The following LIX1 variants were observed in gnomAD, a reference collection of about 807,000 sequenced individuals.
LIX1 encodes the protein protein limb expression 1 homolog.
In LIX1, 24 loss-of-function variants were observed where a neutral mutation model predicts 33.4. The ratio of observed to expected loss-of-function variants is 0.72; its 90% CI spans 0.52 to 1.01. LIX1 has a LOEUF of 1.01. Among genes scored for constraint, LIX1 ranks in the 50% least tolerant of loss-of-function variants. LIX1 has a pLI of 0.00. For missense variants in LIX1, 311 were observed against 339.2 expected, an observed-to-expected ratio of 0.92 and a Z score of 0.65; for synonymous variants, 124 against 124.0, an observed-to-expected ratio of 1.00 and a Z score of 0.00.
chr5:97,103,746 A>G (rs1343560383), intron 4 of LIX1, among the ~76,000 whole-genome samples: 1 of 152,218 alleles, frequency 6.6e-6, no homozygotes, highest in East Asian at 1.9e-4. Flanking sequence ...CGGGCAGATC[A>G]CGAGGTCAGG....
intron 2 of LIX1, among the ~76,000 whole-genome samples, chr5:97,113,300 C>G (rs58679656): frequency 0.011 from 1,681 of 152,318 alleles, 25 homozygotes; most frequent in African/African-American, 0.038. Context: ...AACCACTCAG[C>G]TAAGCTACTT....
intron 1 of LIX1, 103 bp from the exon 2 acceptor site, chr5:97,124,732 G>T: frequency 1.1e-6 from 1 of 922,094 alleles, no homozygotes; most frequent in Non-Finnish European, 1.6e-6. Context: ...GACAGTTCCA[G>T]TTTAAGTAGA....
chr5:97,109,634 T>A (rs1023269449), intron 2 of LIX1, among the ~76,000 whole-genome samples: 1 of 150,262 alleles, frequency 6.7e-6, no homozygotes, highest in Non-Finnish European at 1.5e-5. Context: ...GTGGATAAGT[T>A]CTTTTGCGGT....
intron 4 of LIX1, among the ~76,000 whole-genome samples, chr5:97,103,685 G>T (rs1433025269): frequency 6.6e-6 from 1 of 152,208 alleles, no homozygotes; most frequent in Non-Finnish European, 1.5e-5. Flanking sequence ...GATGACTAAG[G>T]CCGGGCACGG....
At chr5:97,110,403 T>A (rs992456691) in intron 2 of LIX1, among the ~76,000 whole-genome samples, 1 of 152,242 alleles carries the variant, frequency 6.6e-6, no homozygotes, top group African/African-American at 2.4e-5. Context: ...GAAGATATTA[T>A]AACTTACAAT....
At chr5:97,128,286 G>A (rs955848217) in intron 1 of LIX1, among the ~76,000 whole-genome samples, 2 of 152,192 alleles carry the variant, frequency 1.3e-5, no homozygotes, top group South Asian at 2.1e-4. Flanking sequence ...TGACTTCTTA[G>A]CTGTGTTTGA....
Position 97,105,298 on chromosome 5 carries a change from A to G in LIX1, c.388-13T>C. ...CATCTAAGGTGCCCTTGGGAAAGAA[A>G]GCAGAAAAAGAAAAATTACTGATTT... On this transcript the variant is annotated splice_polypyrimidine_tract_variant and intron_variant, in intron 3 of 5. Coordinates refer to ENST00000274382, the MANE Select transcript of LIX1 (RefSeq NM_153234.5). 1 of 1,607,860 alleles carries G rather than the reference A, an allele frequency of 6.2e-7. No individual in the cohort carries two copies. Among genetic ancestry groups the G allele is most frequent in the Non-Finnish European group, 8.5e-7 (1 of 1,174,986 alleles).
intron 1 of LIX1, among the ~76,000 whole-genome samples, chr5:97,128,296 A>T (rs1747977289): frequency 6.6e-6 from 1 of 152,148 alleles, no homozygotes; most frequent in South Asian, 2.1e-4. Flanking sequence ...GCTGTGTTTG[A>T]TAAAGCTGAT....
intron 1 of LIX1, among the ~76,000 whole-genome samples, chr5:97,136,330 A>G (rs1479089318): frequency 6.6e-6 from 1 of 152,164 alleles, no homozygotes; most frequent in Non-Finnish European, 1.5e-5. Flanking sequence ...GCCTGTGATA[A>G]TGGAGTCAGA....
intron 2 of LIX1, among the ~76,000 whole-genome samples, chr5:97,112,935 C>CT (rs1172642117): frequency 2.0e-5 from 3 of 152,182 alleles, no homozygotes; most frequent in Admixed American, 2.0e-4. Flanking sequence ...CTCCCCTGCA[C>CT]TGCACCAGAG....
chr5:97,134,409 C>T (rs935313081), intron 1 of LIX1, among the ~76,000 whole-genome samples: 1 of 152,162 alleles, frequency 6.6e-6, no homozygotes, highest in Admixed American at 6.5e-5. Context: ...CGTGAGCCAC[C>T]GTGCCCGGCA....
At chr5:97,135,590 G>C (rs1024222624) in intron 1 of LIX1, among the ~76,000 whole-genome samples, 1 of 152,154 alleles carries the variant, frequency 6.6e-6, no homozygotes, top group Non-Finnish European at 1.5e-5. Context: ...AGGCCGAGGT[G>C]GGCGGATCAC....
rs1396565651 is a variant in LIX1, at chr5:97,142,404, T to C, written c.82+91A>G. ...AGAACACAGCATACGACTGCAGAGA[T>C]TTAGGAGAAATCTTACTTAAATAGG... is the stretch of plus-strand genomic sequence containing the variant. On this transcript the variant is annotated intron_variant, in intron 1 of 5. Transcript: ENST00000274382. 13 of 866,902 alleles carry C rather than the reference T, an allele frequency of 1.5e-5. No individual in the cohort carries two copies. In the East Asian group the frequency reaches 2.5e-4, roughly 17 times the overall value. The allele number at this position is 866,902 out of a possible 1,614,324, so 53.7% of individuals were successfully genotyped here. A position where few individuals can be genotyped will look rare whatever the true frequency, so the allele number is the denominator to read the frequency against.
At chr5:97,120,396 C>G (rs1197810023) in intron 2 of LIX1, among the ~76,000 whole-genome samples, 1 of 152,152 alleles carries the variant, frequency 6.6e-6, no homozygotes, top group Admixed American at 6.5e-5. Flanking sequence ...ACACCCCATC[C>G]CTGGAACTTA....
intron 1 of LIX1, among the ~76,000 whole-genome samples, chr5:97,128,730 C>T (rs966766045): frequency 6.6e-6 from 1 of 152,076 alleles, no homozygotes; most frequent in Non-Finnish European, 1.5e-5. Flanking sequence ...AAACCTTAAA[C>T]TTCATTTCCT....
chr5:97,131,345 G>A (rs1475582599), intron 1 of LIX1, among the ~76,000 whole-genome samples: 1 of 152,084 alleles, frequency 6.6e-6, no homozygotes, highest in East Asian at 1.9e-4. Context: ...CACTTCAGGG[G>A]AAATGACACC....
At chr5:97,100,744 G>A (rs1746650340) in intron 4 of LIX1, among the ~76,000 whole-genome samples, 1 of 151,960 alleles carries the variant, frequency 6.6e-6, no homozygotes, top group Admixed American at 6.6e-5. Context: ...GGTGTTCGCT[G>A]GCTCATATTC....
At chr5:97,103,167 G>T in intron 4 of LIX1, 1 of 416,638 alleles carries the variant, frequency 2.4e-6, no homozygotes, top group Non-Finnish European at 4.7e-6. Context: ...TTATTCCTCT[G>T]TTTAGTTTTA....
rs140749205 is a variant in LIX1 at position 97,139,306 on chromosome 5, A to G, written c.82+3189T>C. 2.4e-3 allele frequency among the ~76,000 whole-genome samples: 367 copies of G among 152,348 alleles called. 1 individual carries two copies. Among genetic ancestry groups the G allele is most frequent in the African/African-American group, 8.5e-3 (353 of 41,584 alleles). On this transcript the variant is annotated intron_variant, in intron 1 of 5. Transcript: ENST00000274382. ...CTTGATGTCTTAGCCTTACTATTAA[A>G]TGGTTGAAGAAAGAGCTCAAAGATG...
Sources: gnomAD v4.1 joint callset for allele counts (sites outside exome capture counted in the v4.1 genomes callset) on GRCh38, gnomAD v4.1.1 for gene constraint, MANE v1.5 for transcripts, NCBI Gene and HGNC (gene_info 2026-07-23, HGNC 2026-07-21) for gene names.